RASSF3: variants seen among roughly 807,000 people sequenced by gnomAD.
RASSF3 encodes Ras association domain family member 3.
RASSF3 carries 19 observed loss-of-function variants against 19.9 expected under a neutral mutation model. The observed-to-expected ratio is 0.96, with a 90% CI of 0.67 to 1.40. The LOEUF is 1.40. Ranked by LOEUF, RASSF3 falls within the 40% of genes most tolerant of loss-of-function variation. The pLI is 0.00. For synonymous variants in RASSF3, 110 were observed against 104.2 expected (o/e 1.06, Z -0.34); for missense variants, 306 against 289.8 (o/e 1.06, Z -0.41).
In RASSF3 at chr12:64,585,893, G is replaced by C. The variant is rs540859838; in HGVS notation, c.294+44188G>C. Among the ~76,000 whole-genome samples, 43 of 152,092 alleles carry C rather than the reference G, an allele frequency of 2.8e-4. 1 individual carries two copies. Among genetic ancestry groups the C allele is most frequent in the African/African-American group, 1.0e-3 (43 of 41,492 alleles). ...AGTACTGGGATTATAGGCATGAGCCGGTGCACCTGGCCAAGTCTTTAACAA... is the reference window on the plus strand; with the variant it reads ...AGTACTGGGATTATAGGCATGAGCCCGTGCACCTGGCCAAGTCTTTAACAA... On this transcript the variant is annotated intron_variant, in intron 2 of 5. Coordinates refer to the RASSF3 transcript ENST00000637125.
At chr12:64,581,331 A>G (rs1218603290) in intron 2 of RASSF3, among the ~76,000 whole-genome samples, 1 of 152,202 alleles carries the variant, frequency 6.6e-6, no homozygotes, top group Non-Finnish European at 1.5e-5. Flanking sequence ...CGTAGCTTAT[A>G]AGGGACCTAG....
At chr12:64,571,590 CCTG>C (rs780670156) in intron 2 of RASSF3, among the ~76,000 whole-genome samples, 76 of 152,104 alleles carry the variant, frequency 5.0e-4, no homozygotes, top group Non-Finnish European at 8.5e-4. Flanking sequence ...CTTTAAGACA[CCTG>C]TGTTTTTTGG....
At chr12:64,595,685 C>T (rs530588976) in intron 2 of RASSF3, among the ~76,000 whole-genome samples, 9 of 152,182 alleles carry the variant, frequency 5.9e-5, no homozygotes, top group African/African-American at 1.4e-4. Flanking sequence ...ATCACAGGAA[C>T]CTTGCAAGCT....
At chr12:64,525,692 T>C (rs925593553) in intron 1 of RASSF3, among the ~76,000 whole-genome samples, 2 of 152,176 alleles carry the variant, frequency 1.3e-5, no homozygotes, top group Non-Finnish European at 2.9e-5. Context: ...GCGAAATTCC[T>C]GCAGACCCAG....
At chr12:64,693,922 T>C (rs1868319999) in intron 4 of RASSF3, among the ~76,000 whole-genome samples, 2 of 152,170 alleles carry the variant, frequency 1.3e-5, no homozygotes, top group Admixed American at 6.6e-5. Context: ...TCAGGGGCTC[T>C]GTGAAGGCTT....
intron 2 of RASSF3, among the ~76,000 whole-genome samples, chr12:64,566,368 A>G (rs189622971): frequency 1.3e-5 from 2 of 152,342 alleles, no homozygotes; most frequent in East Asian, 3.9e-4. Context: ...TGGCACTGTT[A>G]CAAAGCATTT....
chr12:64,684,780 CTTCTA>C lies in RASSF3; in HGVS notation c.112-6_112-2del, dbSNP rs1343812400. ...CTCACATGTGACATGTCTTGTTTTT[CTTCTA>C]GGATGTTGAGAAAGAGAAGGAAACC... is the stretch of plus-strand genomic sequence containing the variant. On this transcript the variant is annotated splice_acceptor_variant and splice_polypyrimidine_tract_variant and intron_variant, in intron 1 of 4. Coordinates refer to ENST00000542104, the MANE Select transcript of RASSF3 (RefSeq NM_178169.4). LOFTEE classifies it high-confidence loss of function. 6.3e-7 allele frequency: 1 copy of C among 1,591,906 alleles called. No individual in the cohort carries two copies. The highest frequency in any genetic ancestry group is 8.6e-7 in the Non-Finnish European group (1 of 1,160,260).
At chr12:64,682,388 G>A (rs1411869578) in intron 1 of RASSF3, among the ~76,000 whole-genome samples, 3 of 151,924 alleles carry the variant, frequency 2.0e-5, no homozygotes, top group Non-Finnish European at 4.4e-5. Context: ...TGGCTAATAC[G>A]GTGAAACCCC....
intron 1 of RASSF3, among the ~76,000 whole-genome samples, chr12:64,679,811 A>T (rs1486987263): frequency 6.6e-6 from 1 of 152,178 alleles, no homozygotes; most frequent in Non-Finnish European, 1.5e-5. Context: ...TACAAAACAA[A>T]ACTGACTTAT....
chr12:64,560,433 A>T (rs912504943), intron 2 of RASSF3, among the ~76,000 whole-genome samples: 1 of 151,970 alleles, frequency 6.6e-6, no homozygotes, highest in African/African-American at 2.4e-5. Flanking sequence ...TAATCAGTCA[A>T]CTCTGCTCTC....
At position 64,696,775 on chromosome 12, in the gene RASSF3, A is replaced by G. The variant is rs534301440; in HGVS notation, c.*1863A>G. On this transcript the variant is annotated 3_prime_UTR_variant, in exon 5 of 5. Transcript: ENST00000542104. ...AAAAAAATAGAATTAGCTATAAAAT[A>G]TGTATGGCACATCTTGTTTAATTTT... is the stretch of plus-strand genomic sequence containing the variant. The G allele has an allele frequency of 1.6e-3, 250 of 152,316 alleles. 1 individual carries two copies. Among genetic ancestry groups the G allele is most frequent in the African/African-American group, 5.8e-3 (243 of 41,572 alleles). 9.4% of individuals were successfully genotyped at this position (152,316 alleles called of 1,614,324 possible). A position where few individuals can be genotyped will look rare whatever the true frequency, so the allele number is the denominator to read the frequency against.
At chr12:64,536,732 T>C (rs763689942) in intron 1 of RASSF3, among the ~76,000 whole-genome samples, 1 of 152,204 alleles carries the variant, frequency 6.6e-6, no homozygotes. Context: ...CCATTTTGGG[T>C]AGAAAACAGA....
chr12:64,673,210 T>C (rs537516551), intron 1 of RASSF3, among the ~76,000 whole-genome samples: 1 of 152,336 alleles, frequency 6.6e-6, no homozygotes, highest in East Asian at 1.9e-4. Context: ...TGATTGCTGT[T>C]AGCTGAAGGA....
intron 1 of RASSF3, among the ~76,000 whole-genome samples, chr12:64,673,669 G>C (rs1872778364): frequency 6.6e-6 from 1 of 152,150 alleles, no homozygotes; most frequent in South Asian, 2.1e-4. Flanking sequence ...ATTTGGATGT[G>C]CGTGGCTCGG....
intron 1 of RASSF3, among the ~76,000 whole-genome samples, chr12:64,682,774 G>T (rs1873186421): frequency 6.6e-6 from 1 of 152,190 alleles, no homozygotes; most frequent in South Asian, 2.1e-4. Flanking sequence ...CCTGCCTGGA[G>T]ACTATCCAGC....
At chr12:64,630,954 A>T (rs1871150081) in intron 1 of RASSF3, among the ~76,000 whole-genome samples, 1 of 152,206 alleles carries the variant, frequency 6.6e-6, no homozygotes, top group South Asian at 2.1e-4. Context: ...AAATCTGGGC[A>T]TGTGTGTTTT....
intron 4 of RASSF3, 151 bp from the exon 5 acceptor site, chr12:64,694,612 C>G (rs1378458488): frequency 1.8e-5 from 14 of 768,152 alleles, no homozygotes; most frequent in Non-Finnish European, 3.0e-5. Context: ...AGCCCTTAGG[C>G]TGGCAACACC....
intron 1 of RASSF3, among the ~76,000 whole-genome samples, chr12:64,650,619 G>A (rs1379070934): frequency 6.6e-6 from 1 of 151,898 alleles, no homozygotes; most frequent in Non-Finnish European, 1.5e-5. Context: ...GTTTCACTAT[G>A]TTGGCCAGAC....
At chr12:64,636,830 A>G (rs930057485) in intron 1 of RASSF3, among the ~76,000 whole-genome samples, 1 of 147,848 alleles carries the variant, frequency 6.8e-6, no homozygotes, top group African/African-American at 2.5e-5. Flanking sequence ...GCGCCATTGC[A>G]CTCCAGCCTG....
Sources: allele counts gnomAD v4.1 joint callset (sites outside exome capture counted in the v4.1 genomes callset), GRCh38; gene constraint gnomAD v4.1.1; transcripts MANE v1.5; gene names NCBI Gene and HGNC (gene_info 2026-07-23, HGNC 2026-07-21).